The following NEO1 variants were observed in gnomAD, a reference collection of about 807,000 sequenced individuals.
The protein encoded by NEO1 is neogenin.
In NEO1, 63 loss-of-function variants were observed where a neutral mutation model predicts 159.7. The observed-to-expected ratio is 0.39, with a 90% confidence interval of 0.32 to 0.49. The LOEUF is 0.49. Ranked by LOEUF, NEO1 falls within the 20% of genes least tolerant of loss-of-function variation. The pLI, the probability that NEO1 is intolerant of heterozygous loss-of-function variation, is 0.85. For synonymous variants in NEO1, 633 were observed against 662.0 expected (o/e 0.96, Z 0.67); for missense variants, 1,615 against 1,831.0 (o/e 0.88, Z 2.15).
chr15:73,270,026 T>C lies in NEO1; in HGVS notation c.2511T>C (p.Asp837=). The C allele has an allele frequency of 1.9e-6, 3 of 1,613,940 alleles. No homozygotes were observed. The highest frequency in any genetic ancestry group is 2.2e-5 in the South Asian group (2 of 91,062). Residue 837 remains aspartate, a synonymous_variant, in exon 17 of 29, where the codon GAT becomes GAC. Transcript: ENST00000261908. ...TCTGCTCAGACACTTCTGAAGTTGA[T>C]TTATTTGTTATTAATGCTCCATACA... ...TRPHTDTSEV[D]LFVINAPYTP...
At chr15:73,205,256 T>C (rs986438689) in intron 7 of NEO1, among the ~76,000 whole-genome samples, 7 of 152,224 alleles carry the variant, frequency 4.6e-5, no homozygotes, top group African/African-American at 1.7e-4. Flanking sequence ...CCATCTGTAG[T>C]GTTCCCAATC....
At chr15:73,108,239 A>C (rs1017101691) in intron 1 of NEO1, among the ~76,000 whole-genome samples, 3 of 152,212 alleles carry the variant, frequency 2.0e-5, no homozygotes, top group African/African-American at 7.2e-5. Context: ...AGAATTTCCA[A>C]GTAACTGGTT....
intron 2 of NEO1, among the ~76,000 whole-genome samples, chr15:73,118,711 AG>A (rs1056607377): frequency 6.6e-6 from 1 of 152,202 alleles, no homozygotes; most frequent in Non-Finnish European, 1.5e-5. Context: ...GACTGCATAC[AG>A]GGTTCTGTAG....
At chr15:73,205,990 C>G (rs2037199234) in intron 7 of NEO1, among the ~76,000 whole-genome samples, 1 of 152,082 alleles carries the variant, frequency 6.6e-6, no homozygotes, top group African/African-American at 2.4e-5. Context: ...TCACTGCAAC[C>G]CCTGCCTCCC....
intron 18 of NEO1, 70 bp from the exon 19 acceptor site, chr15:73,272,385 G>A: frequency 1.7e-6 from 2 of 1,191,130 alleles, no homozygotes; most frequent in Non-Finnish European, 2.4e-6. Flanking sequence ...CTTACAAGTG[G>A]AAAAGGTTGA....
intron 25 of NEO1, among the ~76,000 whole-genome samples, chr15:73,291,280 T>A (rs2042155163): frequency 6.6e-6 from 1 of 152,246 alleles, no homozygotes; most frequent in Admixed American, 6.5e-5. Flanking sequence ...TTTTGAAAAC[T>A]TGTAAAATTT....
Position 73,266,313 on chromosome 15 carries a change from C to T in NEO1, c.2399-3C>T. Reference sequence around the variant, plus strand: ...TTTTTAATGTGTGTTTCTTTTTTTTCAGATCCCAGCTCTCACTATGTGATT... The same window carrying T: ...TTTTTAATGTGTGTTTCTTTTTTTTTAGATCCCAGCTCTCACTATGTGATT... On this transcript the variant is annotated splice_region_variant and splice_polypyrimidine_tract_variant and intron_variant, in intron 15 of 28. Coordinates refer to ENST00000261908, the MANE Select transcript of NEO1 (RefSeq NM_002499.4). 6.3e-7 allele frequency: 1 copy of T among 1,591,620 alleles called. No homozygotes were observed. The highest frequency in any genetic ancestry group is 1.1e-5 in the South Asian group (1 of 87,018).
chr15:73,177,357 T>C (rs2151954449), intron 6 of NEO1, among the ~76,000 whole-genome samples: 1 of 152,310 alleles, frequency 6.6e-6, no homozygotes, highest in East Asian at 1.9e-4. Context: ...TACAAATTTG[T>C]CATACAAGTA....
intron 8 of NEO1, among the ~76,000 whole-genome samples, chr15:73,240,084 C>G (rs889502195): frequency 6.6e-6 from 1 of 152,130 alleles, no homozygotes; most frequent in Non-Finnish European, 1.5e-5. Context: ...TGCCCAATGT[C>G]TCAGTAGTGC....
intron 7 of NEO1, among the ~76,000 whole-genome samples, chr15:73,219,566 T>C (rs2038107841): frequency 7.5e-6 from 1 of 133,758 alleles, no homozygotes; most frequent in African/African-American, 2.8e-5. Context: ...CTAAGTCTCT[T>C]TGTAGGTCAC....
intron 7 of NEO1, among the ~76,000 whole-genome samples, chr15:73,200,715 C>T (rs1442780035): frequency 1.4e-4 from 19 of 137,074 alleles, no homozygotes; most frequent in African/African-American, 4.2e-4. Flanking sequence ...CACTCTGTCA[C>T]CCAGGCTGGA....
intron 7 of NEO1, among the ~76,000 whole-genome samples, chr15:73,220,574 G>A (rs549955039): frequency 2.0e-5 from 3 of 152,258 alleles, no homozygotes; most frequent in South Asian, 2.1e-4. Flanking sequence ...CCAATCAGAC[G>A]TAGATTTGGT....
intron 9 of NEO1, among the ~76,000 whole-genome samples, chr15:73,245,741 ATT>A (rs376932162): frequency 6.9e-6 from 1 of 145,116 alleles, no homozygotes; most frequent in African/African-American, 2.6e-5. Flanking sequence ...TGCCTAGCTA[ATT>A]TTTTTTTTTT....
intron 1 of NEO1, among the ~76,000 whole-genome samples, chr15:73,070,467 A>G (rs117889888): frequency 0.019 from 2,956 of 152,332 alleles, 41 homozygotes; most frequent in Non-Finnish European, 0.032. Context: ...TTTAAGGAGC[A>G]TTTGTTATGT....
intron 4 of NEO1, among the ~76,000 whole-genome samples, chr15:73,127,990 C>A (rs558516908): frequency 6.6e-6 from 1 of 152,080 alleles, no homozygotes; most frequent in African/African-American, 2.4e-5. Context: ...GTATCCAAGA[C>A]GTAGAAACAG....
At chr15:73,162,881 A>C (rs1391055085) in intron 5 of NEO1, 1 of 185,042 alleles carries the variant, frequency 5.4e-6, no homozygotes, top group Non-Finnish European at 1.2e-5. Context: ...AATGAAAAAC[A>C]TGGTCCTCAG....
At chr15:73,298,271 T>C in intron 26 of NEO1, 77 bp from the exon 27 acceptor site, 11 of 1,577,940 alleles carry the variant, frequency 7.0e-6, no homozygotes, top group Non-Finnish European at 9.5e-6. Flanking sequence ...AGGGAACCCC[T>C]AGAAGTAGCC....
At chr15:73,226,587 T>C (rs902885960) in intron 7 of NEO1, among the ~76,000 whole-genome samples, 3 of 152,222 alleles carry the variant, frequency 2.0e-5, no homozygotes, top group Admixed American at 6.5e-5. Flanking sequence ...TTTTTTATTT[T>C]ACGGTATATG....
chr15:73,282,040 T>G (rs2041742059), intron 22 of NEO1, among the ~76,000 whole-genome samples: 1 of 152,196 alleles, frequency 6.6e-6, no homozygotes, highest in South Asian at 2.1e-4. Context: ...CTTCCTTCCT[T>G]CTGACTTGCA....
Sources: gnomAD v4.1 joint callset for allele counts (sites outside exome capture counted in the v4.1 genomes callset) on GRCh38, gnomAD v4.1.1 for gene constraint, MANE v1.5 for transcripts, NCBI Gene and HGNC (gene_info 2026-07-23, HGNC 2026-07-21) for gene names.